Variants in LRBA observed in about 807,000 individuals in gnomAD.
LRBA encodes lipopolysaccharide-responsive and beige-like anchor protein.
LRBA carries 176 observed loss-of-function variants against 330.0 expected under a neutral mutation model. The observed-to-expected ratio is 0.53, with a 90% CI of 0.47 to 0.60. The LOEUF (loss-of-function observed/expected upper bound fraction) is 0.60, where lower values mean the gene tolerates loss of function less well. Among genes scored for constraint, LRBA ranks in the 20% least tolerant of loss-of-function variants. The pLI is 0.00. For synonymous variants in LRBA, 1,230 were observed against 1,193.0 expected (o/e 1.03, Z -0.64); for missense variants, 3,259 against 3,444.8 (o/e 0.95, Z 1.35).
chr4:150,694,626 GTATTGA>G (rs1784469686), intron 36 of LRBA, among the ~76,000 whole-genome samples: 1 of 151,972 alleles, frequency 6.6e-6, no homozygotes, highest in South Asian at 2.1e-4. Flanking sequence ...ACGACTCAAA[GTATTGA>G]TTTCTCTCAG....
At chr4:150,563,508 G>T (rs1019796327) in intron 40 of LRBA, among the ~76,000 whole-genome samples, 1 of 152,008 alleles carries the variant, frequency 6.6e-6, no homozygotes, top group African/African-American at 2.4e-5. Flanking sequence ...ACTTCTATTC[G>T]ACATAGTATT....
chr4:151,001,654 C>T (rs1416071583), intron 2 of LRBA, among the ~76,000 whole-genome samples: 2 of 152,116 alleles, frequency 1.3e-5, no homozygotes, highest in Non-Finnish European at 2.9e-5. Flanking sequence ...ACACACACAC[C>T]ACTCAGGATC....
At chr4:150,427,026 CA>C (rs1749725752) in intron 46 of LRBA, among the ~76,000 whole-genome samples, 1 of 151,572 alleles carries the variant, frequency 6.6e-6, no homozygotes, top group Non-Finnish European at 1.5e-5. Context: ...ATAATGCAAA[CA>C]AAAAGTGAGC....
intron 34 of LRBA, among the ~76,000 whole-genome samples, chr4:150,776,002 T>C (rs1220804622): frequency 3.3e-5 from 5 of 152,046 alleles, no homozygotes; most frequent in East Asian, 1.9e-4. Context: ...CATAAATACA[T>C]GATAATAACG....
intron 37 of LRBA, among the ~76,000 whole-genome samples, chr4:150,614,758 G>A (rs1775598763): frequency 6.6e-6 from 1 of 152,170 alleles, no homozygotes; most frequent in African/African-American, 2.4e-5. Flanking sequence ...AGCCCAGAAA[G>A]GACATACATG....
intron 2 of LRBA, among the ~76,000 whole-genome samples, chr4:151,002,021 C>A (rs1342772990): frequency 6.6e-6 from 1 of 151,922 alleles, no homozygotes; most frequent in African/African-American, 2.4e-5. Flanking sequence ...ATCACAGAGA[C>A]TATACTACCA....
intron 37 of LRBA, among the ~76,000 whole-genome samples, chr4:150,682,279 TCTC>T (rs2126910447): frequency 6.6e-6 from 1 of 152,126 alleles, no homozygotes; most frequent in African/African-American, 2.4e-5. Context: ...ACTCCTCCAT[TCTC>T]CTCGCCATGG....
rs535444250 is a variant in LRBA at position 150,777,528 on chromosome 4, G to A, written c.5581-15681C>T. ...GTAGTTATCTATGCCCTTGTAAAAC[G>A]AAGCGAATTGGATGGATGTACCTCC... On this transcript the variant is annotated intron_variant, in intron 34 of 56. Coordinates refer to ENST00000651943, the MANE Select transcript of LRBA (RefSeq NM_001364905.1). Among the ~76,000 whole-genome samples, 7 of 152,200 alleles carry A rather than the reference G, an allele frequency of 4.6e-5. No homozygotes were observed. The South Asian group carries it at 8.3e-4, about 18-fold the overall frequency.
intron 40 of LRBA, among the ~76,000 whole-genome samples, chr4:150,568,774 C>G (rs1769477120): frequency 6.6e-6 from 1 of 152,118 alleles, no homozygotes; most frequent in African/African-American, 2.4e-5. Context: ...CCTCAAAGCT[C>G]TACTCACTTA....
intron 40 of LRBA, among the ~76,000 whole-genome samples, chr4:150,508,327 G>T (rs1761407371): frequency 6.7e-6 from 1 of 150,162 alleles, no homozygotes; most frequent in Admixed American, 6.8e-5. Context: ...CTGTCACCCA[G>T]GCTGGAGTGC....
intron 40 of LRBA, among the ~76,000 whole-genome samples, chr4:150,500,910 T>C (rs1223937499): frequency 1.3e-5 from 2 of 152,238 alleles, no homozygotes; most frequent in African/African-American, 4.8e-5. Context: ...AATACTTTTC[T>C]ACTTTTTTAA....
intron 40 of LRBA, among the ~76,000 whole-genome samples, chr4:150,563,449 T>C (rs1768652893): frequency 6.6e-6 from 1 of 152,194 alleles, no homozygotes; most frequent in Non-Finnish European, 1.5e-5. Context: ...AATATCATAC[T>C]GAATGGACAA....
intron 36 of LRBA, among the ~76,000 whole-genome samples, chr4:150,724,320 C>T (rs932398842): frequency 2.0e-5 from 3 of 152,186 alleles, no homozygotes; most frequent in Admixed American, 2.0e-4. Flanking sequence ...GAGCCTCTGG[C>T]TGGTAATCCA....
At chr4:150,571,655 T>G (rs1322878067) in intron 40 of LRBA, among the ~76,000 whole-genome samples, 73 of 142,670 alleles carry the variant, frequency 5.1e-4, no homozygotes, top group African/African-American at 1.9e-3. Context: ...AGTTGTTTTT[T>G]TTTTTTTTTT....
At chr4:150,606,429 T>C (rs745955776) in intron 37 of LRBA, among the ~76,000 whole-genome samples, 3 of 152,122 alleles carry the variant, frequency 2.0e-5, no homozygotes, top group Non-Finnish European at 2.9e-5. Flanking sequence ...CACCAAACAC[T>C]TGTTGAGTGC....
intron 44 of LRBA, among the ~76,000 whole-genome samples, chr4:150,466,103 A>G (rs1755415442): frequency 6.6e-6 from 1 of 152,106 alleles, no homozygotes; most frequent in Non-Finnish European, 1.5e-5. Flanking sequence ...GAGACAGAAG[A>G]CGTGGTAATA....
Position 150,850,877 on chromosome 4 carries a change from C to A in LRBA, c.3851G>T (p.Gly1284Val). ...AACTGCATCTGGTGCTATTCCTTGC[C>A]CTGGCTGCTCATGTTGCCTTGATAT... Reference protein sequence around the residue: ...LEISRQHEQPGQGIAPDAVNG... With the variant: ...LEISRQHEQPVQGIAPDAVNG... The change falls in exon 24 of 57, where the codon GGG (glycine) becomes GTG (valine). Residue 1284 changes from glycine to valine, a missense_variant. By Grantham distance (109) the Gly-to-Val change is moderately radical (BLOSUM62 -3). Transcript: ENST00000651943. The A allele has an allele frequency of 1.2e-6, 2 of 1,610,534 alleles. No individual in the cohort carries two copies. The highest frequency in any genetic ancestry group is 8.5e-7 in the Non-Finnish European group (1 of 1,178,940).
At chr4:150,950,840 C>T (rs1019458163) in intron 2 of LRBA, among the ~76,000 whole-genome samples, 1 of 152,120 alleles carries the variant, frequency 6.6e-6, no homozygotes, top group African/African-American at 2.4e-5. Context: ...TAAGTCAGGC[C>T]TGGCTAAATA....
At chr4:150,796,170 A>G (rs560721279) in intron 34 of LRBA, among the ~76,000 whole-genome samples, 1 of 152,066 alleles carries the variant, frequency 6.6e-6, no homozygotes, top group Non-Finnish European at 1.5e-5. Context: ...AACTCAAGCC[A>G]TCCCCACCCA....
Sources: allele counts gnomAD v4.1 joint callset (sites outside exome capture counted in the v4.1 genomes callset), GRCh38; gene constraint gnomAD v4.1.1; transcripts MANE v1.5; gene names NCBI Gene and HGNC (gene_info 2026-07-23, HGNC 2026-07-21).